The following ADARB1 variants were observed in gnomAD, a reference collection of about 807,000 sequenced individuals.
The protein encoded by ADARB1 is adenosine deaminase RNA specific B1, also known as double-stranded RNA-specific editase 1.
A neutral mutation model predicts 52.4 loss-of-function variants in ADARB1; 10 were observed. The observed-to-expected ratio is 0.19, with a 90% CI of 0.12 to 0.32. The LOEUF (loss-of-function observed/expected upper bound fraction) is 0.32. Ranked by LOEUF, ADARB1 falls within the 10% of genes least tolerant of loss-of-function variation. The pLI is 1.00. For synonymous variants in ADARB1, 349 were observed against 371.1 expected, an observed-to-expected ratio of 0.94 and a Z score of 0.68; for missense variants, 643 against 922.3, an observed-to-expected ratio of 0.70 and a Z score of 3.92.
intron 2 of ADARB1, among the ~76,000 whole-genome samples, chr21:45,140,346 C>T (rs910184830): frequency 2.0e-5 from 3 of 152,316 alleles, no homozygotes; most frequent in Admixed American, 2.0e-4. Context: ...CCCATCAGGG[C>T]CCAGGGCGAC....
chr21:45,136,731 TCC>T (rs1045510592), intron 2 of ADARB1, among the ~76,000 whole-genome samples: 1 of 152,166 alleles, frequency 6.6e-6, no homozygotes, highest in African/African-American at 2.4e-5. Context: ...CCTGCCGCTC[TCC>T]CCCAGGTTGC....
intron 2 of ADARB1, chr21:45,133,544 C>A (rs2089087487): frequency 5.8e-6 from 1 of 173,630 alleles, no homozygotes; most frequent in South Asian, 1.2e-4. Context: ...ACACTATATC[C>A]CATCATGTTC....
rs2092949381 is a variant in ADARB1, at chr21:45,220,748, T to C, written c.1748-88T>C. 7.0e-6 allele frequency: 10 copies of C among 1,430,138 alleles called. No homozygotes were observed. The East Asian group carries it at 9.2e-5, about 13-fold the overall frequency. 88.6% of individuals were successfully genotyped at this position (1,430,138 alleles called of 1,614,324 possible). ...CCCCCACCACGCACTTCTGTGGCCA[T>C]GTCTGAGCACAGTGTGCCGCCCGTG... On this transcript the variant is annotated intron_variant, in intron 9 of 10. Transcript: ENST00000348831. This position sits in a 1 kb window ranked among gnomAD's most constrained non-coding sequence, Gnocchi z 6.3.
intron 9 of ADARB1, among the ~76,000 whole-genome samples, chr21:45,206,077 T>C (rs2092659878): frequency 6.6e-6 from 1 of 152,242 alleles, no homozygotes. Flanking sequence ...GGTAGGTAGG[T>C]TGAAATTGTA....
chr21:45,083,369 T>C (rs1209072691), intron 1 of ADARB1, among the ~76,000 whole-genome samples: 1 of 152,228 alleles, frequency 6.6e-6, no homozygotes, highest in East Asian at 1.9e-4. Flanking sequence ...GTCTGTGTTA[T>C]CTCCAGATTT....
intron 4 of ADARB1, chr21:45,177,184 T>G: frequency 6.3e-6 from 1 of 158,144 alleles, no homozygotes; most frequent in East Asian, 1.9e-4. Context: ...TGGTGGCTGT[T>G]TGCTGTTCCT....
chr21:45,163,493 G>C (rs963202486), intron 2 of ADARB1, among the ~76,000 whole-genome samples: 1 of 152,204 alleles, frequency 6.6e-6, no homozygotes. Flanking sequence ...GAGTGAGCGG[G>C]GAGGGGCAAC....
At chr21:45,127,805 G>A (rs988831727) in intron 1 of ADARB1, among the ~76,000 whole-genome samples, 18 of 152,062 alleles carry the variant, frequency 1.2e-4, no homozygotes, top group Non-Finnish European at 1.9e-4. Context: ...TTGCTTTTCA[G>A]GAAGAAAATT....
chr21:45,117,630 T>TG (rs2087906905), intron 1 of ADARB1, among the ~76,000 whole-genome samples: 1 of 152,208 alleles, frequency 6.6e-6, no homozygotes, highest in South Asian at 2.1e-4. Flanking sequence ...GCAATGCTCA[T>TG]GCTACTTCAC....
chr21:45,110,570 C>A (rs950867697), intron 1 of ADARB1, among the ~76,000 whole-genome samples: 1 of 152,146 alleles, frequency 6.6e-6, no homozygotes, highest in African/African-American at 2.4e-5. Flanking sequence ...GGAGGTTAAA[C>A]TCCTCACCTA....
chr21:45,214,754 G>A (rs146085101), intron 9 of ADARB1, among the ~76,000 whole-genome samples: 49 of 152,328 alleles, frequency 3.2e-4, no homozygotes, highest in East Asian at 1.2e-3. Flanking sequence ...CTAAAGGCCA[G>A]TATTACATTG....
Position 45,225,435 on chromosome 21 carries a change from G to A in ADARB1, c.*3238G>A. ...AAATGTGCAAGCCAGTATCTCACAA[G>A]GCATGGATTTCTGTGGAATTTATTT... On this transcript the variant is annotated 3_prime_UTR_variant, in exon 11 of 11. Transcript: ENST00000348831. 7.7e-7 allele frequency: 1 copy of A among 1,302,842 alleles called. No homozygotes were observed. Among genetic ancestry groups the A allele is most frequent in the Non-Finnish European group, 9.8e-7 (1 of 1,020,980 alleles). 80.7% of individuals were successfully genotyped at this position (1,302,842 alleles called of 1,614,324 possible).
At chr21:45,075,899 A>T (rs2098594373) in intron 1 of ADARB1, among the ~76,000 whole-genome samples, 2 of 152,188 alleles carry the variant, frequency 1.3e-5, no homozygotes, top group South Asian at 4.1e-4. Flanking sequence ...ATGATATCAA[A>T]CTTGTTTCTT....
intron 2 of ADARB1, among the ~76,000 whole-genome samples, chr21:45,150,032 C>G (rs2090204593): frequency 6.6e-6 from 1 of 152,196 alleles, no homozygotes; most frequent in African/African-American, 2.4e-5. Flanking sequence ...GCCTGTAGTC[C>G]CAGCATTTTG....
intron 1 of ADARB1, among the ~76,000 whole-genome samples, chr21:45,095,734 G>T (rs1224401111): frequency 6.6e-6 from 1 of 152,174 alleles, no homozygotes; most frequent in African/African-American, 2.4e-5. Flanking sequence ...AAGGAGTTCA[G>T]GAAACCCAGT....
intron 2 of ADARB1, chr21:45,146,137 C>A (rs142796561): frequency 2.6e-4 from 36 of 140,936 alleles, no homozygotes; most frequent in African/African-American, 9.5e-4. Context: ...CTTACCTGAT[C>A]CGTTCTGCCG....
intron 1 of ADARB1, among the ~76,000 whole-genome samples, chr21:45,124,401 C>A: frequency 6.6e-6 from 1 of 152,230 alleles, no homozygotes; most frequent in Admixed American, 6.5e-5. Flanking sequence ...GAGACAAGGT[C>A]TCACTCTGTC....
chr21:45,082,096 A>C (rs2086175963), intron 1 of ADARB1, among the ~76,000 whole-genome samples: 1 of 152,132 alleles, frequency 6.6e-6, no homozygotes, highest in East Asian at 1.9e-4. Context: ...GGGCTCTTGG[A>C]GCTCTTTGGA....
chr21:45,194,871 T>C (rs2092390704), intron 8 of ADARB1, among the ~76,000 whole-genome samples: 1 of 152,232 alleles, frequency 6.6e-6, no homozygotes, highest in Non-Finnish European at 1.5e-5. Flanking sequence ...ATAAAGCAGC[T>C]ATAAATATCT....
Sources: allele counts gnomAD v4.1 joint callset (sites outside exome capture counted in the v4.1 genomes callset), GRCh38; gene constraint gnomAD v4.1.1; non-coding constraint Gnocchi (gnomAD v3.1); transcripts MANE v1.5; gene names NCBI Gene and HGNC (gene_info 2026-07-23, HGNC 2026-07-21).